Variants in RBFOX1 observed in about 807,000 individuals in gnomAD.
RBFOX1 encodes the protein RNA binding protein fox-1 homolog 1.
A neutral mutation model predicts 57.7 loss-of-function variants in RBFOX1; 8 were observed. That is an observed-to-expected ratio of 0.14 (90% CI 0.08 to 0.25). RBFOX1 has a LOEUF of 0.25. Among genes scored for constraint, RBFOX1 ranks in the 10% least tolerant of loss-of-function variants. The pLI is 1.00. For missense variants in RBFOX1, 611 were observed against 548.5 expected, an observed-to-expected ratio of 1.11 and a Z score of -1.14; for synonymous variants, 326 against 222.4, an observed-to-expected ratio of 1.47 and a Z score of -4.15.
chr16:6,231,227 TG>T (rs1567730064), intron 1 of RBFOX1, among the ~76,000 whole-genome samples: 5 of 95,724 alleles, frequency 5.2e-5, no homozygotes, highest in African/African-American at 1.6e-4. Context: ...TGTGTGTGTG[TG>T]TGTGTGTGTA....
At chr16:6,846,770 G>C (rs1567534326) in intron 3 of RBFOX1, among the ~76,000 whole-genome samples, 1 of 152,168 alleles carries the variant, frequency 6.6e-6, no homozygotes, top group Non-Finnish European at 1.5e-5. Context: ...TCTTTGATAG[G>C]AGATGGCCAC....
intron 6 of RBFOX1, among the ~76,000 whole-genome samples, chr16:7,586,835 C>G (rs1267694019): frequency 2.0e-5 from 3 of 152,182 alleles, no homozygotes; most frequent in Non-Finnish European, 4.4e-5. Flanking sequence ...CAACCCCAGT[C>G]ACATCACATT....
At chr16:7,497,488 T>C (rs1474202737) in intron 4 of RBFOX1, among the ~76,000 whole-genome samples, 1 of 152,176 alleles carries the variant, frequency 6.6e-6, no homozygotes, top group Non-Finnish European at 1.5e-5. Context: ...GACACTTGCT[T>C]TGATCATCGA....
rs777915937 is a variant in RBFOX1, at chr16:5,947,313, G to A, written c.351+79978G>A. ...TGAGGTCAGAGGGGGAGGTCAGATC[G>A]CCATCGAATGGACACCTCTTTTTAC... On this transcript the variant is annotated intron_variant, in intron 4 of 19. Transcript: ENST00000641259. This position sits in a 1 kb window ranked among gnomAD's most constrained non-coding sequence, Gnocchi z 7.2. 1.1e-4 allele frequency among the ~76,000 whole-genome samples: 17 copies of A among 152,288 alleles called. No individual in the cohort carries two copies. In the East Asian group the frequency reaches 1.2e-3, roughly 10 times the overall value.
intron 3 of RBFOX1, among the ~76,000 whole-genome samples, chr16:5,862,008 C>T (rs1329897638): frequency 6.6e-6 from 1 of 152,170 alleles, no homozygotes; most frequent in Non-Finnish European, 1.5e-5. Flanking sequence ...AATTCTCAGG[C>T]CTGAGAGTGA....
intron 2 of RBFOX1, among the ~76,000 whole-genome samples, chr16:6,555,254 T>A (rs2097076833): frequency 6.6e-6 from 1 of 152,224 alleles, no homozygotes; most frequent in Non-Finnish European, 1.5e-5. Context: ...AGCCTGTCTC[T>A]TTAATTAATT....
chr16:7,466,323 G>A (rs2060510470), intron 4 of RBFOX1, among the ~76,000 whole-genome samples: 1 of 102,160 alleles, frequency 9.8e-6, no homozygotes, highest in Non-Finnish European at 2.0e-5. Context: ...GATAATAAAG[G>A]TTAAGTTAAG....
chr16:5,743,417 G>A (rs2052854127), intron 3 of RBFOX1, among the ~76,000 whole-genome samples: 1 of 152,124 alleles, frequency 6.6e-6, no homozygotes, highest in Non-Finnish European at 1.5e-5. Flanking sequence ...ATGTCCCGTG[G>A]AAGGAGGAGT....
intron 4 of RBFOX1, among the ~76,000 whole-genome samples, chr16:7,165,032 A>G (rs2079129037): frequency 6.6e-6 from 1 of 152,196 alleles, no homozygotes; most frequent in South Asian, 2.1e-4. Flanking sequence ...CATTTCAGAA[A>G]AGCTTCTGGG....
chr16:7,527,665 C>G (rs889039623), intron 5 of RBFOX1, among the ~76,000 whole-genome samples: 1 of 152,084 alleles, frequency 6.6e-6, no homozygotes, highest in Admixed American at 6.6e-5. Flanking sequence ...CTTCTCTGAG[C>G]CTGTTCTTTT....
intron 2 of RBFOX1, among the ~76,000 whole-genome samples, chr16:6,594,176 C>T (rs2097754409): frequency 6.6e-6 from 1 of 152,148 alleles, no homozygotes; most frequent in Non-Finnish European, 1.5e-5. Context: ...AATCCTTTGT[C>T]TAGTAAGAGT....
At chr16:7,449,778 C>T (rs2150161649) in intron 4 of RBFOX1, among the ~76,000 whole-genome samples, 1 of 151,134 alleles carries the variant, frequency 6.6e-6, no homozygotes, top group South Asian at 2.1e-4. Flanking sequence ...TTTTTTCACC[C>T]ATCCTGCAGA....
At chr16:6,432,345 T>G (rs930527518) in intron 2 of RBFOX1, among the ~76,000 whole-genome samples, 2 of 152,134 alleles carry the variant, frequency 1.3e-5, no homozygotes, top group East Asian at 1.9e-4. Flanking sequence ...TTATTTTACC[T>G]GAAGCTTGTA....
intron 1 of RBFOX1, among the ~76,000 whole-genome samples, chr16:5,357,781 C>G (rs985807373): frequency 1.3e-5 from 2 of 152,200 alleles, no homozygotes; most frequent in African/African-American, 4.8e-5. Flanking sequence ...TAAGACATCA[C>G]AGGGAATTTC....
intron 4 of RBFOX1, among the ~76,000 whole-genome samples, chr16:5,894,615 G>A (rs554328212): frequency 1.7e-4 from 26 of 152,194 alleles, no homozygotes; most frequent in South Asian, 6.2e-4. Context: ...AAGAACAGTC[G>A]TATATACATC....
At chr16:6,676,061 G>C (rs1297046920) in intron 3 of RBFOX1, among the ~76,000 whole-genome samples, 1 of 151,866 alleles carries the variant, frequency 6.6e-6, no homozygotes, top group Admixed American at 6.6e-5. Context: ...CTGAAGGGAA[G>C]TCAACATAGG....
chr16:7,280,895 A>G (rs1181800477), intron 4 of RBFOX1, among the ~76,000 whole-genome samples: 1 of 151,718 alleles, frequency 6.6e-6, no homozygotes. Context: ...CACTAAAGAA[A>G]GGGTACATAA....
intron 1 of RBFOX1, among the ~76,000 whole-genome samples, chr16:6,168,267 G>A (rs562868219): frequency 6.6e-6 from 1 of 152,198 alleles, no homozygotes. Context: ...ATCGTGCATG[G>A]TGCGGAGGGT....
chr16:6,485,227 C>G (rs911991749), intron 2 of RBFOX1, among the ~76,000 whole-genome samples: 1 of 152,168 alleles, frequency 6.6e-6, no homozygotes, highest in African/African-American at 2.4e-5. Context: ...TCTGCCCACA[C>G]GCTTCCCACA....
Sources: gnomAD v4.1 joint callset for allele counts (sites outside exome capture counted in the v4.1 genomes callset) on GRCh38, gnomAD v4.1.1 for gene constraint, Gnocchi (gnomAD v3.1) non-coding constraint, MANE v1.5 for transcripts, NCBI Gene and HGNC (gene_info 2026-07-23, HGNC 2026-07-21) for gene names.